ACLY: variants seen among roughly 807,000 people sequenced by gnomAD.
The protein encoded by ACLY is ATP citrate lyase, also known as ATP-citrate synthase.
In ACLY, 41 loss-of-function variants were observed where a neutral mutation model predicts 133.0. The observed-to-expected ratio is 0.31, with a 90% confidence interval of 0.24 to 0.40. The LOEUF is 0.40. Ranked by LOEUF, ACLY falls within the 10% of genes least tolerant of loss-of-function variation. ACLY has a pLI of 1.00. For missense variants in ACLY, 1,046 were observed against 1,453.8 expected (o/e 0.72, Z 4.56); for synonymous variants, 495 against 549.3 (o/e 0.90, Z 1.38).
chr17:41,907,617 G>A (rs1322624186), intron 6 of ACLY, 45 bp from the exon 7 acceptor site: 7 of 1,601,432 alleles, frequency 4.4e-6, no homozygotes, highest in Non-Finnish European at 6.0e-6. Context: ...GCTCTGGGTA[G>A]AGACAACCAC....
At chr17:41,878,967 A>C (rs781834445) in intron 20 of ACLY, 43 bp from the exon 21 acceptor site, 15 of 1,612,278 alleles carry the variant, frequency 9.3e-6, no homozygotes, top group Non-Finnish European at 1.3e-5. Flanking sequence ...ATCCCCCAAG[A>C]GTGAACATAG....
At chr17:41,918,806 G>T in intron 1 of ACLY, 74 bp downstream of exon 1, 2 of 1,266,122 alleles carry the variant, frequency 1.6e-6, no homozygotes, top group Admixed American at 2.5e-5. Context: ...AGGCGGTTCC[G>T]GGTTGGGGGA....
upstream of ACLY, among the ~76,000 whole-genome samples, chr17:41,923,925 C>T (rs2050211396): frequency 6.6e-6 from 1 of 152,036 alleles, no homozygotes; most frequent in South Asian, 2.1e-4. Context: ...ATTCTCCTGC[C>T]TCAGCCTCCT....
rs558166820 is a variant in ACLY, at chr17:41,916,387, T to G, written c.-23-2491A>C. Among the ~76,000 whole-genome samples the G allele has an allele frequency of 1.5e-3, 225 of 151,904 alleles. 2 individuals carry two copies. The highest frequency in any genetic ancestry group is 5.1e-3 in the African/African-American group (212 of 41,434). The stretch of plus-strand genomic sequence containing the variant: ...TTTTTTGTTTTGTTTTGTTTTTTTT[T>G]TTTTGAGAAGGACTCTGGCTCTGTC... On this transcript the variant is annotated intron_variant, in intron 1 of 28. Coordinates refer to ENST00000352035, the MANE Select transcript of ACLY (RefSeq NM_001096.3).
rs782102822 is a variant in ACLY, at chr17:41,898,777, T to G, written c.1192A>C (p.Thr398Pro). 2.4e-5 allele frequency: 39 copies of G among 1,613,380 alleles called. No individual in the cohort carries two copies. Among genetic ancestry groups the G allele is most frequent in the Non-Finnish European group, 3.2e-5 (38 of 1,179,690 alleles). The change falls in exon 12 of 29, where the codon ACT becomes CCT. Residue 398 changes from threonine (T) to proline (P), a missense_variant. Physicochemically the swap from Thr to Pro is conservative, Grantham distance 38 (BLOSUM62 -1). Around this residue, in one of 4 missense-constraint regions of ACLY, gnomAD observed 575 missense variants for 804.2 expected, o/e 0.71. Transcript: ENST00000352035. Reference protein sequence around the residue: ...LRVMGEVGKTTGIPIHVFGTE... With the variant: ...LRVMGEVGKTPGIPIHVFGTE... ...CCAAAGACATGGATGGGGATCCCAG[T>G]GGTCTTCCCTGCAAGGGAAGGAAAA...
At position 41,884,230 on chromosome 17, in the gene ACLY, T is replaced by A. The variant is rs199626711; in HGVS notation, c.2117A>T (p.Asp706Val). Residue 706 changes from aspartate (D) to valine (V), a missense_variant, in exon 19 of 29, where the codon GAC becomes GTC. Asp to Val is a radical substitution (Grantham distance 152). Around this residue, in one of 4 missense-constraint regions of ACLY, gnomAD observed 575 missense variants for 804.2 expected, o/e 0.71. Coordinates refer to ENST00000352035, the MANE Select transcript of ACLY (RefSeq NM_001096.3). ...TFMDHVLRYQ[D>V]TPGVKMIVVL... is the part of the protein sequence containing the mutation. Reference sequence around the variant, plus strand: ...CACAATCATTTTGACTCCTGGAGTGTCCTGATAGCGTAACACATGATCCAT... The same window carrying A: ...CACAATCATTTTGACTCCTGGAGTGACCTGATAGCGTAACACATGATCCAT... 6.2e-7 allele frequency: 1 copy of A among 1,612,914 alleles called. No homozygotes were observed. The highest frequency in any genetic ancestry group is 1.7e-5 in the Admixed American group (1 of 60,016).
chr17:41,871,215 A>G (rs1225011474), intron 25 of ACLY, among the ~76,000 whole-genome samples: 3 of 152,216 alleles, frequency 2.0e-5, no homozygotes, highest in African/African-American at 7.2e-5. Flanking sequence ...GTATTATAAC[A>G]TGGAAAAAAT....
chr17:41,882,367 C>CAAAAAAAAAAAAAAAAAAAAA (rs34078258), intron 20 of ACLY, among the ~76,000 whole-genome samples: 1 of 40,252 alleles, frequency 2.5e-5, no homozygotes, highest in Admixed American at 5.3e-4. Context: ...ACCCTGTCTC[C>CAAAAAAAAAAAAAAAAAAAAA]AAAAAAAAAA....
rs148951948 is a variant in ACLY at position 41,913,777 on chromosome 17, G to C, written c.97C>G (p.Arg33Gly). ...GCCCAGTCTGTGTCAGGAGTGACCC[G>C]AGCATACTTGAACCGATTCTGGATG... is the stretch of plus-strand genomic sequence containing the variant. ...SAIQNRFKYA[R>G]VTPDTDWARL... The change falls in exon 2 of 29, where the codon CGG becomes GGG. Residue 33 changes from arginine (R) to glycine (G), a missense_variant. Physicochemically the swap from Arg to Gly is moderately radical, Grantham distance 125. Around this residue, in one of 4 missense-constraint regions of ACLY, gnomAD observed 227 missense variants for 245.6 expected, o/e 0.92. Transcript: ENST00000352035. 5.0e-6 allele frequency: 8 copies of C among 1,614,220 alleles called. No homozygotes were observed. Among genetic ancestry groups the C allele is most frequent in the Non-Finnish European group, 6.8e-6 (8 of 1,180,040 alleles).
intron 1 of ACLY, among the ~76,000 whole-genome samples, chr17:41,924,322 T>A (rs1266704702): frequency 1.3e-5 from 2 of 151,204 alleles, no homozygotes; most frequent in African/African-American, 2.4e-5. Context: ...TTTTTTTTTT[T>A]ATTTTTAGTA....
intron 25 of ACLY, 56 bp downstream of exon 25, chr17:41,871,633 G>A (rs1597965422): frequency 6.2e-7 from 1 of 1,605,450 alleles, no homozygotes; most frequent in Non-Finnish European, 8.5e-7. Flanking sequence ...GTGATTACAG[G>A]CATGGGCCAC....
At chr17:41,905,204 C>A (rs181302662) in intron 9 of ACLY, among the ~76,000 whole-genome samples, 1 of 152,294 alleles carries the variant, frequency 6.6e-6, no homozygotes, top group Non-Finnish European at 1.5e-5. Context: ...TTATTGCAAT[C>A]AGAGTTTATC....
intron 1 of ACLY, among the ~76,000 whole-genome samples, chr17:41,916,845 C>T (rs1455792740): frequency 6.6e-6 from 1 of 152,124 alleles, no homozygotes; most frequent in Admixed American, 6.5e-5. Flanking sequence ...AGACTGACCA[C>T]CAGTTAAGAA....
intron 3 of ACLY, among the ~76,000 whole-genome samples, chr17:41,911,548 G>A (rs1486784267): frequency 2.0e-5 from 3 of 152,244 alleles, no homozygotes; most frequent in African/African-American, 7.2e-5. Flanking sequence ...GGGCTTGGTG[G>A]CACACATCTG....
At chr17:41,879,868 A>G (rs782032062) in intron 20 of ACLY, among the ~76,000 whole-genome samples, 3 of 151,362 alleles carry the variant, frequency 2.0e-5, no homozygotes, top group Admixed American at 6.6e-5. Context: ...GGCGTATGCC[A>G]CCACAGGTGT....
At chr17:41,900,068 C>A (rs1294154379) in intron 11 of ACLY, among the ~76,000 whole-genome samples, 25 of 6,208 alleles carry the variant, frequency 4.0e-3, no homozygotes, top group Non-Finnish European at 0.017. Flanking sequence ...GACCCTGTCT[C>A]CAAAAAAAAA....
At chr17:41,904,689 C>T (rs370332214) in intron 10 of ACLY, 40 bp downstream of exon 10, 173 of 1,601,774 alleles carry the variant, frequency 1.1e-4, no homozygotes, top group Non-Finnish European at 1.4e-4. Flanking sequence ...TTTCCCCAAA[C>T]CACTTTCCCC....
At chr17:41,900,288 G>A (rs567385560) in intron 11 of ACLY, among the ~76,000 whole-genome samples, 14 of 151,244 alleles carry the variant, frequency 9.3e-5, no homozygotes, top group South Asian at 4.2e-4. Context: ...GCGTGGACCC[G>A]GGAGGCGGAG....
At chr17:41,875,012 G>A (rs960106588) in intron 22 of ACLY, among the ~76,000 whole-genome samples, 5 of 151,756 alleles carry the variant, frequency 3.3e-5, no homozygotes, top group African/African-American at 1.2e-4. Flanking sequence ...AATCCAAAGG[G>A]AAAATCTTAC....
Sources: gnomAD v4.1 joint callset for allele counts (sites outside exome capture counted in the v4.1 genomes callset) on GRCh38, gnomAD v4.1.1 for gene constraint, gnomAD v4.1.1 regional missense constraint, MANE v1.5 for transcripts, NCBI Gene and HGNC (gene_info 2026-07-23, HGNC 2026-07-21) for gene names.